The following ADGRF5 variants were observed in gnomAD, a reference collection of about 807,000 sequenced individuals.
The protein encoded by ADGRF5 is adhesion G protein-coupled receptor F5.
Under a neutral mutation model 132.3 loss-of-function variants are expected in ADGRF5, and 75 were observed. The ratio of observed to expected loss-of-function variants is 0.57; its 90% CI spans 0.47 to 0.69. The LOEUF is 0.69. Among genes scored for constraint, ADGRF5 ranks in the 30% least tolerant of loss-of-function variants. ADGRF5 has a pLI of 0.00. For missense variants in ADGRF5, 1,516 were observed against 1,630.6 expected (o/e 0.93, Z 1.21); for synonymous variants, 629 against 597.6 (o/e 1.05, Z -0.77).
At chr6:46,937,130 C>T (rs951227578) in intron 1 of ADGRF5, among the ~76,000 whole-genome samples, 1 of 151,996 alleles carries the variant, frequency 6.6e-6, no homozygotes, top group Non-Finnish European at 1.5e-5. Context: ...TTGACTGATA[C>T]AGAAATACAG....
intron 1 of ADGRF5, among the ~76,000 whole-genome samples, chr6:46,907,372 TA>T (rs1775492595): frequency 1.3e-5 from 2 of 152,080 alleles, no homozygotes; most frequent in Non-Finnish European, 2.9e-5. Flanking sequence ...TTTATTTATT[TA>T]TTTTTTTTAT....
At position 46,858,000 on chromosome 6, in the gene ADGRF5, C is replaced by T. The variant is rs577193536; in HGVS notation, c.3774+129G>A. 1.6e-5 allele frequency: 11 copies of T among 670,754 alleles called. No homozygotes were observed. The African/African-American group carries it at 2.0e-4, about 12-fold the overall frequency. 41.6% of individuals were successfully genotyped at this position (670,754 alleles called of 1,614,324 possible). A position where few individuals can be genotyped will look rare whatever the true frequency, so the allele number is the denominator to read the frequency against. The stretch of plus-strand genomic sequence containing the variant: ...CCATCTGATTGAGTTCTCATTATTA[C>T]TGCTCTTTAGAGCTGAGGCTTCCTC... On this transcript the variant is annotated intron_variant, in intron 17 of 20. Coordinates refer to ENST00000283296, the MANE Select transcript of ADGRF5 (RefSeq NM_001098518.2).
intron 16 of ADGRF5, among the ~76,000 whole-genome samples, chr6:46,860,112 C>T (rs1171507400): frequency 6.6e-6 from 1 of 152,190 alleles, no homozygotes; most frequent in African/African-American, 2.4e-5. Context: ...AAGACTATAG[C>T]TCCTGCTGAC....
chr6:46,860,788 C>T lies in ADGRF5; in HGVS notation c.2306G>A (p.Ser769Asn). ...AAGGATGTTAATAATGGCTCCCAGA[C>T]TCCCAGGAGAAGAGCTGATTTCATG... The part of the protein sequence containing the change: ...AEHEISSSPG[S>N]LGAIINILDL... Residue 769 changes from serine to asparagine, a missense_variant, in exon 16 of 21, where the codon AGT (serine) becomes AAT (asparagine). Ser to Asn is a conservative substitution (Grantham distance 46). This residue lies in a region of ADGRF5 where 945 missense variants were observed against 929.4 expected (regional missense o/e 1.02). Transcript: ENST00000283296. 2 of 1,613,440 alleles carry T rather than the reference C, an allele frequency of 1.2e-6. No individual in the cohort carries two copies. Among genetic ancestry groups the T allele is most frequent in the Non-Finnish European group, 1.7e-6 (2 of 1,179,350 alleles).
chr6:46,889,057 C>A (rs746667483), intron 3 of ADGRF5, among the ~76,000 whole-genome samples: 4 of 151,678 alleles, frequency 2.6e-5, no homozygotes, highest in Non-Finnish European at 2.9e-5. Flanking sequence ...AAGAGATTTT[C>A]AGCTCTTCAT....
rs1769305266 is a variant in ADGRF5, at chr6:46,858,390, G to A, written c.3513C>T (p.Ala1171=). ...GTGCTGGGATGGCGAAAGCCAGCAG[G>A]GCCTTGGTGTCCTCCCAGTTGAGCC... ...VCWLNWEDTK[A]LLAFAIPALI... is the part of the protein sequence containing the mutation. Residue 1171 remains alanine, a synonymous_variant, in exon 17 of 21, where the codon GCC becomes GCT. Transcript: ENST00000283296. 2 of 1,613,834 alleles carry A rather than the reference G, an allele frequency of 1.2e-6. No individual in the cohort carries two copies. The highest frequency in any genetic ancestry group is 1.7e-6 in the Non-Finnish European group (2 of 1,179,892).
intron 1 of ADGRF5, 31 bp from the exon 2 acceptor site, chr6:46,906,817 C>A (rs1775426134): frequency 1.1e-6 from 1 of 898,104 alleles, no homozygotes; most frequent in Admixed American, 1.8e-5. Flanking sequence ...TTTAGATATA[C>A]AGCAATTTAT....
chr6:46,912,846 G>A (rs1191426886), intron 1 of ADGRF5, among the ~76,000 whole-genome samples: 4 of 151,794 alleles, frequency 2.6e-5, no homozygotes, highest in Admixed American at 2.0e-4. Context: ...CAGACCCTTC[G>A]CTGATTAAAA....
At chr6:46,937,305 T>A (rs1417658633) in intron 1 of ADGRF5, among the ~76,000 whole-genome samples, 1 of 151,660 alleles carries the variant, frequency 6.6e-6, no homozygotes, top group African/African-American at 2.4e-5. Flanking sequence ...CCCATGTCAC[T>A]GAAATTCCCC....
At chr6:46,854,377 C>T (rs1768798138) in intron 20 of ADGRF5, among the ~76,000 whole-genome samples, 2 of 152,198 alleles carry the variant, frequency 1.3e-5, no homozygotes, top group South Asian at 4.1e-4. Context: ...CCATCACATG[C>T]ATGGTCTGGG....
In ADGRF5 at chr6:46,879,851, G is replaced by A; in HGVS notation, c.1003C>T (p.Leu335Phe). 6.2e-7 allele frequency: 1 copy of A among 1,613,850 alleles called. No individual in the cohort carries two copies. Among genetic ancestry groups the A allele is most frequent in the Non-Finnish European group, 8.5e-7 (1 of 1,179,728 alleles). Reference protein sequence around the residue: ...LFNNMTSVSKLTIHNITPGDA... With the variant: ...LFNNMTSVSKFTIHNITPGDA... ...CCTGGAGTGATGTTGTGGATGGTGA[G>A]CTTGGACACCGAAGTCATGTTGTTG... is the stretch of plus-strand genomic sequence containing the variant. Residue 335 changes from leucine (L) to phenylalanine (F), a missense_variant, in exon 9 of 21, where the codon CTC becomes TTC. By Grantham distance (22) the Leu-to-Phe change is conservative. Transcript: ENST00000283296.
At position 46,853,869 on chromosome 6, in the gene ADGRF5, CTTT is replaced by C; in HGVS notation, c.*120_*122del. On this transcript the variant is annotated 3_prime_UTR_variant, in exon 21 of 21. Coordinates refer to ENST00000283296, the MANE Select transcript of ADGRF5 (RefSeq NM_001098518.2). ...GAAAGCCTCTTCTCTATGAAAAAGT[CTTT>C]TTGGCATCTGCTCCCGGAAACCTGC... is the stretch of plus-strand genomic sequence containing the variant. The C allele has an allele frequency of 1.5e-6, 1 of 660,012 alleles. No individual in the cohort carries two copies. Among genetic ancestry groups the C allele is most frequent in the Non-Finnish European group, 2.7e-6 (1 of 373,214 alleles). 40.9% of individuals were successfully genotyped at this position (660,012 alleles called of 1,614,324 possible).
intron 10 of ADGRF5, among the ~76,000 whole-genome samples, chr6:46,877,225 CT>C (rs1771761878): frequency 2.3e-5 from 3 of 131,682 alleles, no homozygotes; most frequent in South Asian, 5.3e-4. Flanking sequence ...TTTATTTCCT[CT>C]CTTTCTTTCT....
intron 10 of ADGRF5, 76 bp downstream of exon 10, chr6:46,878,126 A>G (rs779895295): frequency 4.4e-6 from 4 of 916,302 alleles, no homozygotes; most frequent in Non-Finnish European, 7.3e-6. Context: ...TTCCCCTTCC[A>G]TACGCCACAT....
At chr6:46,887,910 T>C (rs796190493) in intron 4 of ADGRF5, 25 of 155,142 alleles carry the variant, frequency 1.6e-4, no homozygotes, top group African/African-American at 5.3e-4. Flanking sequence ...TCCTGACCTA[T>C]AATGCCAAAG....
chr6:46,947,983 G>A (rs1378079793), intron 1 of ADGRF5, among the ~76,000 whole-genome samples: 3 of 152,130 alleles, frequency 2.0e-5, no homozygotes, highest in African/African-American at 4.8e-5. Context: ...ACTCAACACC[G>A]GACAGGATGT....
intron 9 of ADGRF5, 71 bp from the exon 10 acceptor site, chr6:46,878,476 C>A: frequency 1.1e-6 from 1 of 918,306 alleles, no homozygotes. Flanking sequence ...GTACCGTCAG[C>A]TCATGGATCA....
chr6:46,884,804 T>C (rs953627733), intron 4 of ADGRF5, among the ~76,000 whole-genome samples: 1 of 152,200 alleles, frequency 6.6e-6, no homozygotes, highest in Non-Finnish European at 1.5e-5. Flanking sequence ...TGCCATGGCA[T>C]GAAGACACAT....
intron 1 of ADGRF5, among the ~76,000 whole-genome samples, chr6:46,952,093 AG>A (rs1256840880): frequency 5.9e-5 from 9 of 152,144 alleles, no homozygotes; most frequent in African/African-American, 2.2e-4. Context: ...TTCAGAGAAA[AG>A]TTGTGGACCC....
Sources: allele counts gnomAD v4.1 joint callset (sites outside exome capture counted in the v4.1 genomes callset), GRCh38; gene constraint gnomAD v4.1.1; regional missense constraint gnomAD v4.1.1; transcripts MANE v1.5; gene names NCBI Gene and HGNC (gene_info 2026-07-23, HGNC 2026-07-21).